GPR89A: variants seen among roughly 807,000 people sequenced by gnomAD.
GPR89A encodes golgi pH regulator A.
A neutral mutation model predicts 52.0 loss-of-function variants in GPR89A; 16 were observed. The observed-to-expected ratio is 0.31, with a 90% CI of 0.21 to 0.47. The LOEUF is 0.47. GPR89A is among the 20% of genes least tolerant of loss of function. The pLI is 1.00. For synonymous variants in GPR89A, 55 were observed against 150.9 expected (o/e 0.36, Z 4.66); for missense variants, 135 against 449.4 (o/e 0.30, Z 6.33).
At position 145,608,048 on chromosome 1, in the gene GPR89A, A is replaced by C. The variant is rs587645417; in HGVS notation, c.-86A>C. 38 of 1,536,018 alleles carry C rather than the reference A, an allele frequency of 2.5e-5. 1 individual carries two copies. The African/African-American group carries it at 3.2e-4, about 13-fold the overall frequency. ...CCGGCTGCAGCACCTGGGAGAAGGC[A>C]GACCGTGTGAGGGGGCCTGTGGCCC... is the stretch of plus-strand genomic sequence containing the variant. On this transcript the variant is annotated 5_prime_UTR_variant, in exon 1 of 14. Coordinates refer to ENST00000313835, the MANE Select transcript of GPR89A (RefSeq NM_001097612.2).
In GPR89A at chr1:145,665,807, A is replaced by G. The variant is rs1652515665; in HGVS notation, c.1095+156A>G. On this transcript the variant is annotated intron_variant, in intron 12 of 13. Transcript: ENST00000313835. ...CAGGAGATCGAGTCCATCCTAGCCAACATGGTGAAACCCCATCTCTACTAA... is the reference window on the plus strand; with the variant it reads ...CAGGAGATCGAGTCCATCCTAGCCAGCATGGTGAAACCCCATCTCTACTAA... Among the ~76,000 whole-genome samples, 7 of 143,162 alleles carry G rather than the reference A, an allele frequency of 4.9e-5. No individual in the cohort carries two copies. In the South Asian group the frequency reaches 1.2e-3, roughly 24 times the overall value. 93.9% of individuals were successfully genotyped at this position (143,162 alleles called of 152,430 possible).
In GPR89A at chr1:145,649,728, T is replaced by A; in HGVS notation, c.909+2461T>A. ...TTTAACTTTTGAAGAAACAGCCAAC[T>A]CTTTTCCAAAAAAATTGTATCATTT... is the stretch of plus-strand genomic sequence containing the variant. On this transcript the variant is annotated intron_variant, in intron 10 of 13. Coordinates refer to ENST00000313835, the MANE Select transcript of GPR89A (RefSeq NM_001097612.2). 2.0e-5 allele frequency among the ~76,000 whole-genome samples: 3 copies of A among 149,522 alleles called. No homozygotes were observed. In the Middle Eastern group the frequency reaches 0.01, roughly 516 times the overall value.
At chr1:145,617,288 C>T (rs1648775336) in intron 2 of GPR89A, among the ~76,000 whole-genome samples, 1 of 152,156 alleles carries the variant, frequency 6.6e-6, no homozygotes, top group Admixed American at 6.5e-5. Context: ...TCTATTCTGC[C>T]CAACCCCGCA....
At chr1:145,633,912 A>G (rs1650038502) in intron 7 of GPR89A, among the ~76,000 whole-genome samples, 2 of 150,924 alleles carry the variant, frequency 1.3e-5, no homozygotes, top group African/African-American at 4.9e-5. Context: ...GCTACAAGAA[A>G]AAATACTTAG....
At chr1:145,649,699 A>G (rs879969979) in intron 10 of GPR89A, among the ~76,000 whole-genome samples, 1,773 of 148,328 alleles carry the variant, frequency 0.012, no homozygotes, top group Non-Finnish European at 0.02. Context: ...TGGCAGATGT[A>G]ATGTTTAACT....
chr1:145,615,369 G>A (rs1235145360), intron 1 of GPR89A, among the ~76,000 whole-genome samples: 6 of 151,694 alleles, frequency 4.0e-5, no homozygotes, highest in African/African-American at 1.5e-4. Flanking sequence ...TTTGAGACAG[G>A]GTCTCACTCT....
Position 145,616,643 on chromosome 1 carries a change from T to C in GPR89A, c.102+350T>C, listed in dbSNP as rs1477015208. ...GCCCTGAATTGCAAACCTTATATTA[T>C]AAGTTAATACCAAAATCCCAAGGCT... On this transcript the variant is annotated intron_variant, in intron 2 of 13. Transcript: ENST00000313835. Among the ~76,000 whole-genome samples the C allele has an allele frequency of 2.6e-5, 4 of 152,304 alleles. No individual in the cohort carries two copies. The East Asian group carries it at 7.7e-4, about 29-fold the overall frequency.
chr1:145,662,967 T>A (rs1415184030), intron 10 of GPR89A, among the ~76,000 whole-genome samples: 1 of 152,100 alleles, frequency 6.6e-6, no homozygotes, highest in Non-Finnish European at 1.5e-5. Context: ...TATTTGCTGT[T>A]AAAGCATTCA....
At chr1:145,640,060 A>C (rs149293676) in intron 7 of GPR89A, among the ~76,000 whole-genome samples, 2,720 of 152,074 alleles carry the variant, frequency 0.018, 49 homozygotes, top group South Asian at 0.073. Flanking sequence ...TCTACTAAAA[A>C]TACAAAAAAT....
intron 8 of GPR89A, chr1:145,645,584 A>G (rs1553692389): frequency 1.3e-5 from 6 of 453,978 alleles, no homozygotes; most frequent in Non-Finnish European, 1.8e-5. Flanking sequence ...GGAAAAGAGG[A>G]TTTGACTTTG....
At chr1:145,626,423 A>AGG (rs1380155243) in intron 5 of GPR89A, among the ~76,000 whole-genome samples, 1 of 151,998 alleles carries the variant, frequency 6.6e-6, no homozygotes, top group African/African-American at 2.4e-5. Flanking sequence ...AAGGACACTG[A>AGG]GGGAGAAAGC....
chr1:145,617,007 C>T (rs1553687161), intron 2 of GPR89A, among the ~76,000 whole-genome samples: 1 of 152,150 alleles, frequency 6.6e-6, no homozygotes, highest in Admixed American at 6.5e-5. Context: ...TCTTTATAAA[C>T]ATTTTAACAG....
chr1:145,608,001 G>C lies in GPR89A; in HGVS notation c.-133G>C. 2.0e-6 allele frequency: 2 copies of C among 1,006,028 alleles called. No individual in the cohort carries two copies. Among genetic ancestry groups the C allele is most frequent in the Non-Finnish European group, 1.5e-6 (1 of 680,210 alleles). The allele number at this position is 1,006,028 out of a possible 1,614,324, so 62.3% of individuals were successfully genotyped here. On this transcript the variant is annotated 5_prime_UTR_variant, in exon 1 of 14. Transcript: ENST00000313835. ...GCTGACTGGGGCGCAGCTTGATGGC[G>C]TCGGGCTGGAGAGCCGCAGTCCCGG... is the stretch of plus-strand genomic sequence containing the variant.
At chr1:145,610,512 T>C (rs1648187681) in intron 1 of GPR89A, among the ~76,000 whole-genome samples, 1 of 152,096 alleles carries the variant, frequency 6.6e-6, no homozygotes, top group Non-Finnish European at 1.5e-5. Context: ...CTCATATCCC[T>C]CCCCTTCTTT....
rs1412494703 is a variant in GPR89A at position 145,660,783 on chromosome 1, A to G, written c.910-2546A>G. Reference sequence around the variant, plus strand: ...ACCATCTCACACCAGTTAGAATGGCAATCATTAAAAAGTCAGGAAACAACA... The same window carrying G: ...ACCATCTCACACCAGTTAGAATGGCGATCATTAAAAAGTCAGGAAACAACA... On this transcript the variant is annotated intron_variant, in intron 10 of 13. Transcript: ENST00000313835. Among the ~76,000 whole-genome samples the G allele has an allele frequency of 1.3e-4, 20 of 151,718 alleles. No individual in the cohort carries two copies. In the South Asian group the frequency reaches 2.5e-3, roughly 19 times the overall value.
At position 145,668,003 on chromosome 1, in the gene GPR89A, T is replaced by C. The variant is rs375264683; in HGVS notation, c.1096-1622T>C. On this transcript the variant is annotated intron_variant, in intron 12 of 13. Coordinates refer to ENST00000313835, the MANE Select transcript of GPR89A (RefSeq NM_001097612.2). ...TGTAGTATAGCTTGAAGTCAGGTAG[T>C]GTGATGCCTCCAGCTTTGTTCTTTT... Among the ~76,000 whole-genome samples, 312 of 147,652 alleles carry C rather than the reference T, an allele frequency of 2.1e-3. 1 individual carries two copies. Among genetic ancestry groups the C allele is most frequent in the African/African-American group, 4.1e-3 (154 of 37,614 alleles).
At position 145,608,078 on chromosome 1, in the gene GPR89A, G is replaced by A. The variant is rs1319879233; in HGVS notation, c.-56G>A. ...GTGTGAGGGGGCCTGTGGCCCCAGC[G>A]TGCTGTGGCCTCGGGGAGTGGGAAG... On this transcript the variant is annotated 5_prime_UTR_variant, in exon 1 of 14. In the 5' UTR this introduces an upstream ATG that the reference lacks. Transcript: ENST00000313835. 46 of 1,597,248 alleles carry A rather than the reference G, an allele frequency of 2.9e-5. 1 individual carries two copies. Among genetic ancestry groups the A allele is most frequent in the Non-Finnish European group, 3.3e-5 (39 of 1,165,510 alleles).
intron 10 of GPR89A, among the ~76,000 whole-genome samples, chr1:145,650,001 C>G (rs1468746733): frequency 1.4e-5 from 2 of 139,128 alleles, no homozygotes; most frequent in African/African-American, 2.7e-5. Context: ...ATTTTAAGTT[C>G]TGAGGTACAT....
At chr1:145,653,071 G>A (rs1299543371) in intron 10 of GPR89A, among the ~76,000 whole-genome samples, 2 of 148,166 alleles carry the variant, frequency 1.3e-5, no homozygotes, top group African/African-American at 5.1e-5. Flanking sequence ...TGATGTTAGG[G>A]TGTCGATTTG....
Sources: gnomAD v4.1 joint callset for allele counts (sites outside exome capture counted in the v4.1 genomes callset) on GRCh38, gnomAD v4.1.1 for gene constraint, MANE v1.5 for transcripts, NCBI Gene and HGNC (gene_info 2026-07-23, HGNC 2026-07-21) for gene names.